HIF1A: variants seen among roughly 807,000 people sequenced by gnomAD.
HIF1A encodes hypoxia inducible factor 1 subunit alpha.
A neutral mutation model predicts 92.7 loss-of-function variants in HIF1A; 24 were observed. That is an observed-to-expected ratio of 0.26 (90% CI 0.19 to 0.36). The LOEUF is 0.36. Among genes scored for constraint, HIF1A ranks in the 10% least tolerant of loss-of-function variants. HIF1A has a pLI of 1.00. For missense variants in HIF1A, 799 were observed against 998.5 expected, an observed-to-expected ratio of 0.80 and a Z score of 2.69; for synonymous variants, 319 against 338.7, an observed-to-expected ratio of 0.94 and a Z score of 0.64.
rs547509773 is a variant in HIF1A, at chr14:61,746,053, G to A, written c.2329+236G>A. Among the ~76,000 whole-genome samples, 26 of 151,872 alleles carry A rather than the reference G, an allele frequency of 1.7e-4. No homozygotes were observed. The East Asian group carries it at 2.9e-3, about 17-fold the overall frequency. The stretch of plus-strand genomic sequence containing the variant: ...AGCCTGGCCACCATGGTGAAACCCC[G>A]TCTCTACTAAAAATACAAAAATTAG... On this transcript the variant is annotated intron_variant, in intron 14 of 14. Transcript: ENST00000337138.
chr14:61,702,798 C>G (rs1039534960), intron 1 of HIF1A, among the ~76,000 whole-genome samples: 1 of 152,158 alleles, frequency 6.6e-6, no homozygotes, highest in African/African-American at 2.4e-5. Context: ...TGCTTTTTCA[C>G]TATGTAGAGA....
chr14:61,727,767 A>AATGGG (rs2044524188), intron 6 of HIF1A, 112 bp downstream of exon 6: 1 of 800,856 alleles, frequency 1.2e-6, no homozygotes, highest in African/African-American at 1.7e-5. Flanking sequence ...TCACACCTGT[A>AATGGG]ATCCCAGCAC....
chr14:61,712,159 A>T (rs567814603), intron 1 of HIF1A, among the ~76,000 whole-genome samples: 1 of 152,278 alleles, frequency 6.6e-6, no homozygotes, highest in African/African-American at 2.4e-5. Context: ...GGGAATCTCA[A>T]TGAGGGTGAG....
intron 12 of HIF1A, among the ~76,000 whole-genome samples, chr14:61,742,648 G>A (rs2140158743): frequency 6.6e-6 from 1 of 152,166 alleles, no homozygotes; most frequent in East Asian, 1.9e-4. Flanking sequence ...CACTTTGGGA[G>A]GCTGAAGCGG....
intron 1 of HIF1A, among the ~76,000 whole-genome samples, chr14:61,717,836 AC>A (rs2044380809): frequency 6.7e-6 from 1 of 149,450 alleles, no homozygotes; most frequent in African/African-American, 2.6e-5. Context: ...AGCCTGGCCA[AC>A]ATGGTGAAAC....
At position 61,723,874 on chromosome 14, in the gene HIF1A, T is replaced by A. The variant is rs138031733; in HGVS notation, c.457+2051T>A. ...CATTTTGAAATCATTACTAATGTGGTTAATGAATTATTGATGTTCCATTGG... is the reference window on the plus strand; with the variant it reads ...CATTTTGAAATCATTACTAATGTGGATAATGAATTATTGATGTTCCATTGG... On this transcript the variant is annotated intron_variant, in intron 4 of 14. Coordinates refer to ENST00000337138, the MANE Select transcript of HIF1A (RefSeq NM_001530.4). Among the ~76,000 whole-genome samples the A allele has an allele frequency of 5.9e-3, 904 of 152,340 alleles. 13 individuals are homozygous for A. The highest frequency in any genetic ancestry group is 0.02 in the African/African-American group (842 of 41,568).
chr14:61,746,649 C>T (rs1179361134), intron 14 of HIF1A, among the ~76,000 whole-genome samples: 1 of 152,092 alleles, frequency 6.6e-6, no homozygotes, highest in Non-Finnish European at 1.5e-5. Flanking sequence ...CCTGCCTCAG[C>T]CTGTGCTAGG....
At chr14:61,708,622 G>A (rs57301261) in intron 1 of HIF1A, among the ~76,000 whole-genome samples, 91,070 of 151,540 alleles carry the variant, frequency 0.6, 32,530 homozygotes, top group Non-Finnish European at 0.77. Flanking sequence ...GTAGATAAGC[G>A]GCATTATTTC....
chr14:61,726,515 G>C (rs1488812212), intron 4 of HIF1A, 191 bp from the exon 5 acceptor site: 2 of 398,184 alleles, frequency 5.0e-6, no homozygotes, highest in Non-Finnish European at 9.1e-6. Context: ...GGGAATCACA[G>C]CTACTGAGTA....
At chr14:61,707,302 GTGT>G (rs566457491) in intron 1 of HIF1A, among the ~76,000 whole-genome samples, 333 of 9,442 alleles carry the variant, frequency 0.035, 1 homozygote, top group South Asian at 0.062. Context: ...TCAGCATTCT[GTGT>G]TTTTTTTTTC....
In HIF1A at chr14:61,695,536, A is replaced by AG. The variant is rs2044102296; in HGVS notation, c.-265dup. On this transcript the variant is annotated 5_prime_UTR_variant, in exon 1 of 15. Transcript: ENST00000337138. The stretch of plus-strand genomic sequence containing the variant: ...TCAGTGCACAGTGCTGCCTCGTCTG[A>AG]GGGGACAGGAGGATCACCCTCTTCG... The AG allele has an allele frequency of 5.7e-6, 3 of 523,100 alleles. No homozygotes were observed. The highest frequency in any genetic ancestry group is 1.0e-5 in the Non-Finnish European group (3 of 294,602). The allele number at this position is 523,100 out of a possible 1,614,324, so 32.4% of individuals were successfully genotyped here.
chr14:61,721,913 TA>T, intron 4 of HIF1A, 90 bp downstream of exon 4: 1 of 810,788 alleles, frequency 1.2e-6, no homozygotes, highest in Admixed American at 2.3e-5. Flanking sequence ...CTATTGTACT[TA>T]CCCAAGGCAA....
At chr14:61,710,817 T>C (rs2044297458) in intron 1 of HIF1A, among the ~76,000 whole-genome samples, 1 of 152,030 alleles carries the variant, frequency 6.6e-6, no homozygotes, top group Non-Finnish European at 1.5e-5. Context: ...TCCCAGCACT[T>C]TGGGAGGCTG....
intron 1 of HIF1A, among the ~76,000 whole-genome samples, chr14:61,704,773 T>C (rs931626341): frequency 6.6e-6 from 1 of 152,214 alleles, no homozygotes; most frequent in Admixed American, 6.5e-5. Flanking sequence ...TAACAGATTG[T>C]TGTGCATTCA....
At position 61,741,120 on chromosome 14, in the gene HIF1A, A is replaced by G; in HGVS notation, c.2025A>G (p.Gly675=). 1 of 1,614,080 alleles carries G rather than the reference A, an allele frequency of 6.2e-7. No individual in the cohort carries two copies. Among genetic ancestry groups the G allele is most frequent in the Non-Finnish European group, 8.5e-7 (1 of 1,179,942 alleles). Residue 675 remains glycine (G), a synonymous_variant, in exon 12 of 15, where the codon GGA becomes GGG. Transcript: ENST00000337138. ...CCTCACCAAACAGAGCAGGAAAAGGAGTCATAGAACAGACAGAAAAATCTC... is the reference window on the plus strand; with the variant it reads ...CCTCACCAAACAGAGCAGGAAAAGGGGTCATAGAACAGACAGAAAAATCTC... ...RTASPNRAGK[G]VIEQTEKSHP...
Position 61,711,744 on chromosome 14 carries a change from C to T in HIF1A, c.36-8638C>T, listed in dbSNP as rs547353077. On this transcript the variant is annotated intron_variant, in intron 1 of 14. Coordinates refer to ENST00000337138, the MANE Select transcript of HIF1A (RefSeq NM_001530.4). The stretch of plus-strand genomic sequence containing the variant: ...TTTGCCTGTGTTCACATTTATTCCA[C>T]GATTCATTTGTTAACATTTACTAAG... Among the ~76,000 whole-genome samples, 34 of 152,264 alleles carry T rather than the reference C, an allele frequency of 2.2e-4. No homozygotes were observed. The South Asian group carries it at 6.0e-3, about 27-fold the overall frequency.
At chr14:61,719,317 G>C (rs887463448) in intron 1 of HIF1A, among the ~76,000 whole-genome samples, 2 of 152,292 alleles carry the variant, frequency 1.3e-5, no homozygotes, top group Non-Finnish European at 2.9e-5. Context: ...TAAAGTAGAA[G>C]CAGCATTCCC....
rs762383271 is a variant in HIF1A, at chr14:61,740,613, C to T, written c.1645C>T (p.Pro549Ser). ...TGCTGAAGACACAGAAGCAAAGAACCCATTTTCTACTCAGGTATATGAACT... is the reference window on the plus strand; with the variant it reads ...TGCTGAAGACACAGAAGCAAAGAACTCATTTTCTACTCAGGTATATGAACT... ...LFAEDTEAKNPFSTQDTDLDL... is the reference protein window; with the variant it reads ...LFAEDTEAKNSFSTQDTDLDL... Residue 549 changes from proline (P) to serine (S), a missense_variant, in exon 11 of 15, where the codon CCA (proline) becomes TCA (serine). Pro to Ser is a moderately conservative substitution (Grantham distance 74, BLOSUM62 -1). This residue lies in a region of HIF1A where 516 missense variants were observed against 721.0 expected (regional missense o/e 0.72). Transcript: ENST00000337138. 6.2e-7 allele frequency: 1 copy of T among 1,602,362 alleles called. No homozygotes were observed. Among genetic ancestry groups the T allele is most frequent in the Non-Finnish European group, 8.5e-7 (1 of 1,175,840 alleles).
At position 61,747,024 on chromosome 14, in the gene HIF1A, A is replaced by G; in HGVS notation, c.2420A>G (p.Gln807Arg). Residue 807 changes from glutamine (Q) to arginine (R), a missense_variant, in exon 15 of 15, where the codon CAA (glutamine) becomes CGA (arginine). Around this residue, in one of 2 missense-constraint regions of HIF1A, gnomAD observed 283 missense variants for 277.5 expected, o/e 1.02. Transcript: ENST00000337138. The part of the protein sequence containing the change: ...SYDCEVNAPI[Q>R]GSRNLLQGEE... ...GATTGTGAAGTTAATGCTCCTATAC[A>G]AGGCAGCAGAAACCTACTGCAGGGT... 1.9e-6 allele frequency: 3 copies of G among 1,613,254 alleles called. No homozygotes were observed. The highest frequency in any genetic ancestry group is 2.5e-6 in the Non-Finnish European group (3 of 1,179,340).
Sources: allele counts gnomAD v4.1 joint callset (sites outside exome capture counted in the v4.1 genomes callset), GRCh38; gene constraint gnomAD v4.1.1; regional missense constraint gnomAD v4.1.1; transcripts MANE v1.5; gene names NCBI Gene and HGNC (gene_info 2026-07-23, HGNC 2026-07-21).